The following TRPM6 variants were observed in gnomAD, a reference collection of about 807,000 sequenced individuals.
The protein encoded by TRPM6 is channel kinase 2.
A neutral mutation model predicts 247.6 loss-of-function variants in TRPM6; 111 were observed. The ratio of observed to expected loss-of-function variants is 0.45; its 90% CI spans 0.38 to 0.52. The LOEUF (loss-of-function observed/expected upper bound fraction) is 0.52, where lower values mean the gene tolerates loss of function less well. TRPM6 is among the 20% of genes least tolerant of loss of function. The pLI is 0.00. For missense variants in TRPM6, 2,126 were observed against 2,421.5 expected, an observed-to-expected ratio of 0.88 and a Z score of 2.56; for synonymous variants, 892 against 853.8, an observed-to-expected ratio of 1.04 and a Z score of -0.78.
chr9:74,871,502 A>G (rs1831030202), intron 1 of TRPM6, among the ~76,000 whole-genome samples: 2 of 152,190 alleles, frequency 1.3e-5, no homozygotes, highest in South Asian at 4.1e-4. Flanking sequence ...AGTATTCCCT[A>G]ATATGGAAGT....
At chr9:74,785,850 G>A (rs770939407) in intron 21 of TRPM6, 24 bp downstream of exon 21, 3 of 1,613,746 alleles carry the variant, frequency 1.9e-6, no homozygotes, top group African/African-American at 2.7e-5. Flanking sequence ...AGAATACCAG[G>A]ATATAAAACT....
chr9:74,840,561 T>TTCCAGCAC (rs1829900606), intron 4 of TRPM6, among the ~76,000 whole-genome samples: 2 of 152,162 alleles, frequency 1.3e-5, no homozygotes, highest in Admixed American at 6.5e-5. Flanking sequence ...ACGCCTGTAA[T>TTCCAGCAC]TCCAGCACTT....
chr9:74,841,913 C>T (rs1829950463), intron 4 of TRPM6, among the ~76,000 whole-genome samples: 2 of 152,096 alleles, frequency 1.3e-5, no homozygotes, highest in African/African-American at 4.8e-5. Context: ...ATACTTCAAA[C>T]AGGCAGAAAC....
At chr9:74,780,340 G>A (rs1827390915) in intron 23 of TRPM6, among the ~76,000 whole-genome samples, 2 of 152,096 alleles carry the variant, frequency 1.3e-5, no homozygotes, top group South Asian at 2.1e-4. Flanking sequence ...TGCAATCCCA[G>A]CCACTTGGGA....
At position 74,762,085 on chromosome 9, in the gene TRPM6, G is replaced by A; in HGVS notation, c.4586C>T (p.Pro1529Leu). ...AGCGAAGGGCCTGTATCTGCGGAGA[G>A]GATTGATCCAAAAGGATGTGTTTGG... is the stretch of plus-strand genomic sequence containing the variant. ...LQPNTSFWIN[P>L]LRRYRPFARS... The change falls in exon 26 of 39, where the codon CCT (proline) becomes CTT (leucine). Residue 1529 changes from proline to leucine, a missense_variant. Pro to Leu is a moderately conservative substitution (Grantham distance 98). Transcript: ENST00000360774. 1 of 1,614,200 alleles carries A rather than the reference G, an allele frequency of 6.2e-7. No individual in the cohort carries two copies.
intron 7 of TRPM6, among the ~76,000 whole-genome samples, chr9:74,822,583 T>C (rs538282952): frequency 3.3e-5 from 5 of 152,094 alleles, no homozygotes; most frequent in African/African-American, 1.2e-4. Context: ...TGGTTATTTC[T>C]AGGAACAAGG....
In TRPM6 at chr9:74,821,713, C is replaced by T. The variant is rs765847237; in HGVS notation, c.966G>A (p.Ala322=). The part of the protein sequence containing the change: ...PVVVCEGTGR[A]ADLLAFTHKH... ...TGTGTGTGAAGGCCAGGAGGTCAGC[C>T]GCCCTACCTGTGCCCTCACACACCA... The change falls in exon 8 of 39, where the codon GCG becomes GCA. Residue 322 remains alanine (A), a synonymous_variant. Transcript: ENST00000360774. The T allele has an allele frequency of 1.1e-5, 17 of 1,614,072 alleles. No homozygotes were observed. The highest frequency in any genetic ancestry group is 5.3e-5 in the African/African-American group (4 of 74,916).
chr9:74,783,498 C>T (rs1428705540), intron 21 of TRPM6, among the ~76,000 whole-genome samples: 1 of 152,146 alleles, frequency 6.6e-6, no homozygotes, highest in Non-Finnish European at 1.5e-5. Context: ...CAGTTAAAAG[C>T]CATTAGACTT....
chr9:74,752,394 G>T, intron 28 of TRPM6, 26 bp from the exon 29 acceptor site: 1 of 1,204,202 alleles, frequency 8.3e-7, no homozygotes, highest in Non-Finnish European at 1.2e-6. Context: ...AGAAAGATTA[G>T]AAAATACATG....
intron 27 of TRPM6, among the ~76,000 whole-genome samples, chr9:74,756,736 GTAC>G (rs1826441389): frequency 6.6e-6 from 1 of 150,884 alleles, no homozygotes; most frequent in Non-Finnish European, 1.5e-5. Context: ...GTGGTCCCAG[GTAC>G]TCAAGGGGCT....
At chr9:74,733,770 C>A (rs781284407) in intron 36 of TRPM6, among the ~76,000 whole-genome samples, 3 of 151,858 alleles carry the variant, frequency 2.0e-5, no homozygotes, top group Non-Finnish European at 4.4e-5. Flanking sequence ...GTTGGTCAGG[C>A]TGGTCTCCAT....
chr9:74,861,694 C>A (rs1830693933), intron 1 of TRPM6, among the ~76,000 whole-genome samples: 1 of 152,098 alleles, frequency 6.6e-6, no homozygotes, highest in South Asian at 2.1e-4. Context: ...CTTATTAAGT[C>A]TGAATAAAGC....
At chr9:74,833,237 T>C (rs1829604483) in intron 6 of TRPM6, among the ~76,000 whole-genome samples, 1 of 152,156 alleles carries the variant, frequency 6.6e-6, no homozygotes, top group African/African-American at 2.4e-5. Context: ...AATTCTGAAA[T>C]GATCCTGACA....
chr9:74,884,248 T>C (rs1397559844), intron 1 of TRPM6, among the ~76,000 whole-genome samples: 1 of 152,164 alleles, frequency 6.6e-6, no homozygotes, highest in East Asian at 1.9e-4. Context: ...CCCAGCACTC[T>C]GGGAGGCTGA....
intron 14 of TRPM6, among the ~76,000 whole-genome samples, chr9:74,807,468 T>C (rs1163562205): frequency 6.6e-6 from 1 of 152,208 alleles, no homozygotes; most frequent in Non-Finnish European, 1.5e-5. Context: ...ATAGGCAATG[T>C]TTCCTCTGCT....
At chr9:74,833,923 A>G (rs1213546565) in intron 6 of TRPM6, 75 bp downstream of exon 6, 1 of 1,583,012 alleles carries the variant, frequency 6.3e-7, no homozygotes, top group Non-Finnish European at 8.7e-7. Flanking sequence ...TTCATTAGAC[A>G]TCCAGGTACA....
In TRPM6 at chr9:74,806,905, C is replaced by T. The variant is rs567198484; in HGVS notation, c.1638+1129G>A. Among the ~76,000 whole-genome samples the T allele has an allele frequency of 2.6e-5, 4 of 152,292 alleles. No individual in the cohort carries two copies. The South Asian group carries it at 8.3e-4, about 32-fold the overall frequency. On this transcript the variant is annotated intron_variant, in intron 14 of 38. Transcript: ENST00000360774. ...CAAGAAATGGGTGACTTCGTACTGG[C>T]AGGCCATTTAAAGAAAGGGCACTAA... is the stretch of plus-strand genomic sequence containing the variant.
Position 74,775,902 on chromosome 9 carries a change from T to C in TRPM6, c.3384A>G (p.Glu1128=). ...LCCHRAPHDQ[E]EGDVGLKLYL... ...ACTTACTTAATCCAACGTCACCCTC[T>C]TCTTGGTCGTGAGGAGCTCGATGAC... Residue 1128 remains glutamate, a synonymous_variant, in exon 24 of 39, where the codon GAA becomes GAG. Transcript: ENST00000360774. 6.2e-7 allele frequency: 1 copy of C among 1,614,136 alleles called. No individual in the cohort carries two copies. Among genetic ancestry groups the C allele is most frequent in the Non-Finnish European group, 8.5e-7 (1 of 1,180,020 alleles).
At chr9:74,743,402 T>C (rs867698643) in intron 32 of TRPM6, among the ~76,000 whole-genome samples, 2 of 152,380 alleles carry the variant, frequency 1.3e-5, no homozygotes, top group African/African-American at 4.8e-5. Context: ...GGCTTGCCCA[T>C]GTATTATCTC....
Sources: gnomAD v4.1 joint callset for allele counts (sites outside exome capture counted in the v4.1 genomes callset) on GRCh38, gnomAD v4.1.1 for gene constraint, MANE v1.5 for transcripts, NCBI Gene and HGNC (gene_info 2026-07-23, HGNC 2026-07-21) for gene names.